Variants in AGMO observed in about 807,000 individuals in gnomAD.
AGMO encodes the protein glyceryl-ether monooxygenase.
AGMO carries 75 observed loss-of-function variants against 60.2 expected under a neutral mutation model. The observed-to-expected ratio is 1.25, with a 90% CI of 1.03 to 1.51. AGMO has a LOEUF of 1.51. Ranked by LOEUF, AGMO falls within the 40% of genes most tolerant of loss-of-function variation. AGMO has a pLI of 0.00. For missense variants in AGMO, 763 were observed against 525.5 expected (o/e 1.45, Z -4.42); for synonymous variants, 261 against 177.1 (o/e 1.47, Z -3.76).
In AGMO at chr7:15,387,502, G is replaced by C; in HGVS notation, c.861C>G (p.Ala287=). The change falls in exon 9 of 13, where the codon GCC becomes GCG. Residue 287 remains alanine, a synonymous_variant. Coordinates refer to ENST00000342526, the MANE Select transcript of AGMO (RefSeq NM_001004320.2). ...HLFSIWTTFW[A]TPGFFNKFSV... is the part of the protein sequence containing the mutation. ...AAAACTTATTGAAGAATCCAGGTGT[G>C]GCCCAGAATGTAGTCCATATGGAAA... The C allele has an allele frequency of 6.2e-7, 1 of 1,613,634 alleles. No individual in the cohort carries two copies. Among genetic ancestry groups the C allele is most frequent in the Non-Finnish European group, 8.5e-7 (1 of 1,179,758 alleles).
intron 3 of AGMO, among the ~76,000 whole-genome samples, chr7:15,485,012 A>ATAT (rs1782873564): frequency 1.3e-5 from 2 of 151,990 alleles, no homozygotes; most frequent in African/African-American, 4.8e-5. Context: ...ATAAGTACAG[A>ATAT]GATATGAGAA....
the AGMO span, among the ~76,000 whole-genome samples, chr7:15,131,797 G>T: frequency 7.5e-6 from 1 of 133,352 alleles, no homozygotes; most frequent in African/African-American, 2.7e-5. Flanking sequence ...CACAAACAAG[G>T]TAGGAGTAAT....
intron 12 of AGMO, among the ~76,000 whole-genome samples, chr7:15,330,719 A>G (rs1378382786): frequency 2.0e-5 from 3 of 152,092 alleles, no homozygotes; most frequent in Admixed American, 6.6e-5. Context: ...TAATATCAGG[A>G]ATTTTAAAGT....
At chr7:15,396,429 C>T (rs547603481) in intron 5 of AGMO, 6 of 152,368 alleles carry the variant, frequency 3.9e-5, no homozygotes, top group African/African-American at 1.4e-4. Flanking sequence ...ACCTTGCTGG[C>T]TTGAGAAGTG....
At chr7:15,560,069 T>C (rs1785261689) in intron 2 of AGMO, 72 bp downstream of exon 2, 3 of 1,342,226 alleles carry the variant, frequency 2.2e-6, no homozygotes, top group Admixed American at 2.6e-5. Context: ...CTCCCATGCA[T>C]TGGGTTCCTT....
At chr7:15,186,383 T>C in the AGMO span, among the ~76,000 whole-genome samples, 1 of 152,204 alleles carries the variant, frequency 6.6e-6, no homozygotes, top group Non-Finnish European at 1.5e-5. Flanking sequence ...TCCAGAGCCC[T>C]TTGGCTCCTG....
At chr7:15,281,186 G>C (rs148669793) in intron 12 of AGMO, among the ~76,000 whole-genome samples, 56 of 152,184 alleles carry the variant, frequency 3.7e-4, no homozygotes, top group African/African-American at 1.3e-3. Context: ...CAGAGACACA[G>C]GTGCAGTGCT....
chr7:15,421,295 A>T (rs1020714789), intron 4 of AGMO, among the ~76,000 whole-genome samples: 25 of 152,140 alleles, frequency 1.6e-4, no homozygotes, highest in African/African-American at 5.5e-4. Context: ...GATAGCCTTC[A>T]TCAGCGAGTC....
At chr7:15,354,701 GAAGTT>G (rs1360808985) in intron 12 of AGMO, among the ~76,000 whole-genome samples, 1 of 150,122 alleles carries the variant, frequency 6.7e-6, no homozygotes, top group South Asian at 2.1e-4. Flanking sequence ...AATTGAGTTA[GAAGTT>G]AAGAAAGAAG....
chr7:15,331,363 C>G (rs1322443007), intron 12 of AGMO, among the ~76,000 whole-genome samples: 5 of 151,972 alleles, frequency 3.3e-5, no homozygotes, highest in African/African-American at 1.2e-4. Flanking sequence ...ATTTCTGGAA[C>G]AGGGATAATA....
At chr7:15,430,035 G>C (rs1781182165) in intron 4 of AGMO, among the ~76,000 whole-genome samples, 1 of 151,894 alleles carries the variant, frequency 6.6e-6, no homozygotes, top group African/African-American at 2.4e-5. Flanking sequence ...TGGTGTGACT[G>C]AACTATAGAC....
At position 15,292,834 on chromosome 7, in the gene AGMO, T is replaced by C. The variant is rs1379557158; in HGVS notation, c.1263+72680A>G. Among the ~76,000 whole-genome samples the C allele has an allele frequency of 2.8e-5, 4 of 140,568 alleles. No individual in the cohort carries two copies. The East Asian group carries it at 8.8e-4, about 31-fold the overall frequency. 92.2% of individuals were successfully genotyped at this position (140,568 alleles called of 152,430 possible). On this transcript the variant is annotated intron_variant, in intron 12 of 12. Transcript: ENST00000342526. ...GTGCAGTGGCGTGATCTCGGCTCACTGCAACCTCCGCCTCCCAGGTTCAAG... is the reference window on the plus strand; with the variant it reads ...GTGCAGTGGCGTGATCTCGGCTCACCGCAACCTCCGCCTCCCAGGTTCAAG...
At chr7:15,553,325 A>G (rs954733669) in intron 2 of AGMO, among the ~76,000 whole-genome samples, 1 of 151,080 alleles carries the variant, frequency 6.6e-6, no homozygotes, top group Non-Finnish European at 1.5e-5. Context: ...GTATAATAAA[A>G]AAAATAAATA....
At chr7:15,432,914 C>T (rs1018689654) in intron 3 of AGMO, among the ~76,000 whole-genome samples, 3 of 151,806 alleles carry the variant, frequency 2.0e-5, no homozygotes, top group Admixed American at 1.3e-4. Flanking sequence ...GTTAGGTGGA[C>T]GTTGAATAAG....
chr7:15,479,866 C>T (rs1177368078), intron 3 of AGMO, among the ~76,000 whole-genome samples: 3 of 152,064 alleles, frequency 2.0e-5, no homozygotes, highest in East Asian at 1.9e-4. Context: ...AGCTCAGTAA[C>T]GGCTAGAATT....
intron 12 of AGMO, among the ~76,000 whole-genome samples, chr7:15,244,531 C>A (rs557534694): frequency 6.6e-6 from 1 of 152,284 alleles, no homozygotes; most frequent in African/African-American, 2.4e-5. Flanking sequence ...GAACGCAAAT[C>A]TTTATATTCT....
intron 5 of AGMO, among the ~76,000 whole-genome samples, chr7:15,413,717 T>G (rs1780678056): frequency 6.6e-6 from 1 of 152,136 alleles, no homozygotes; most frequent in Non-Finnish European, 1.5e-5. Flanking sequence ...GAATTTCATA[T>G]TCAGAAAAGT....
chr7:15,483,525 G>C (rs980919279), intron 3 of AGMO, among the ~76,000 whole-genome samples: 1 of 152,056 alleles, frequency 6.6e-6, no homozygotes, highest in African/African-American at 2.4e-5. Context: ...GCGATAGATC[G>C]TGCTACTGCA....
chr7:15,281,669 C>G (rs1366142943), intron 12 of AGMO, among the ~76,000 whole-genome samples: 6 of 152,172 alleles, frequency 3.9e-5, no homozygotes, highest in Non-Finnish European at 8.8e-5. Context: ...TCTGTCAGGA[C>G]AGAGGCATTT....
Sources: allele counts gnomAD v4.1 joint callset (sites outside exome capture counted in the v4.1 genomes callset), GRCh38; gene constraint gnomAD v4.1.1; transcripts MANE v1.5; gene names NCBI Gene and HGNC (gene_info 2026-07-23, HGNC 2026-07-21).